Variants in GRM5 observed in about 807,000 individuals in gnomAD.
GRM5 encodes metabotropic glutamate receptor 5.
A neutral mutation model predicts 83.1 loss-of-function variants in GRM5; 19 were observed. That is an observed-to-expected ratio of 0.23 (90% confidence interval 0.16 to 0.34). The LOEUF (loss-of-function observed/expected upper bound fraction) is 0.34. GRM5 is among the 10% of genes least tolerant of loss of function. GRM5 has a pLI of 1.00. For missense variants in GRM5, 1,160 were observed against 1,588.3 expected (o/e 0.73, Z 4.58); for synonymous variants, 675 against 633.6 (o/e 1.07, Z -0.98).
In GRM5 at chr11:89,038,805, A is replaced by C. The variant is rs182430315; in HGVS notation, c.661+8407T>G. On this transcript the variant is annotated intron_variant, in intron 2 of 9. Coordinates refer to ENST00000305447, the MANE Select transcript of GRM5 (RefSeq NM_001143831.3). ...TGGAGCCACACCTACTCCAATGTAA[A>C]GGAATGAGATTTAGATTTGTTTCAA... 1.4e-3 allele frequency among the ~76,000 whole-genome samples: 208 copies of C among 152,344 alleles called. 1 individual carries two copies. The highest frequency in any genetic ancestry group is 4.6e-3 in the African/African-American group (193 of 41,582).
chr11:88,672,389 GAAGA>G (rs1222362141), intron 3 of GRM5, among the ~76,000 whole-genome samples: 2 of 151,824 alleles, frequency 1.3e-5, no homozygotes, highest in African/African-American at 4.8e-5. Context: ...TGGAAGACTT[GAAGA>G]AAGAAAGACT....
chr11:88,829,112 T>C (rs1462284229), intron 3 of GRM5, among the ~76,000 whole-genome samples: 3 of 152,058 alleles, frequency 2.0e-5, no homozygotes, highest in African/African-American at 4.8e-5. Context: ...AAACTAAAAA[T>C]AATTAGAGTG....
intron 2 of GRM5, among the ~76,000 whole-genome samples, chr11:89,031,483 G>C (rs1941262320): frequency 6.6e-6 from 1 of 151,688 alleles, no homozygotes; most frequent in Non-Finnish European, 1.5e-5. Flanking sequence ...TCCCAAACTG[G>C]CAATGTTGTG....
chr11:88,900,016 C>A (rs746214580), intron 2 of GRM5, among the ~76,000 whole-genome samples: 2 of 151,918 alleles, frequency 1.3e-5, no homozygotes, highest in Non-Finnish European at 2.9e-5. Flanking sequence ...ATATGGAGAC[C>A]GTCTCATATT....
rs951200841 is a variant in GRM5, at chr11:88,613,961, C to T, written c.1148-8997G>A. 6.6e-5 allele frequency among the ~76,000 whole-genome samples: 10 copies of T among 152,180 alleles called. No individual in the cohort carries two copies. The South Asian group carries it at 2.1e-3, about 31-fold the overall frequency. ...AACCTACCTTTCCCTATTTAACATG[C>T]TAAGTAAAGAAGAGGTTACTCACAC... On this transcript the variant is annotated intron_variant, in intron 4 of 9. Coordinates refer to ENST00000305447, the MANE Select transcript of GRM5 (RefSeq NM_001143831.3).
At chr11:88,649,296 A>G (rs1223507031) in intron 4 of GRM5, among the ~76,000 whole-genome samples, 1 of 135,398 alleles carries the variant, frequency 7.4e-6, no homozygotes, top group African/African-American at 2.7e-5. Flanking sequence ...TAATACATAT[A>G]TATTATACAT....
chr11:88,711,876 G>A (rs1941289539), intron 3 of GRM5, among the ~76,000 whole-genome samples: 1 of 152,004 alleles, frequency 6.6e-6, no homozygotes. Flanking sequence ...GAGAGAAAGA[G>A]ATTCCACTTC....
Position 88,567,637 on chromosome 11 carries a change from G to T in GRM5, c.2046C>A (p.Thr682=). The part of the protein sequence containing the change: ...ILAGSKKKIC[T]KKPRFMSACA... ...AGGCACTCATGAATCTGGGCTTTTT[G>T]GTACAGATCTTCTTCTTGCTGCCAG... The change falls in exon 8 of 10, where the codon ACC becomes ACA. Residue 682 remains threonine (T), a synonymous_variant. Transcript: ENST00000305447. The surrounding 1 kb of genome is among the most constrained non-coding windows in gnomAD (Gnocchi z 7.3). The T allele has an allele frequency of 6.2e-7, 1 of 1,614,038 alleles. No individual in the cohort carries two copies. The highest frequency in any genetic ancestry group is 1.1e-5 in the South Asian group (1 of 91,080).
intron 2 of GRM5, among the ~76,000 whole-genome samples, chr11:89,044,724 G>T (rs565508244): frequency 6.6e-6 from 1 of 151,908 alleles, no homozygotes; most frequent in Non-Finnish European, 1.5e-5. Context: ...ATCAAGTACT[G>T]GGATTAATTC....
At chr11:88,988,740 A>T (rs1307570068) in intron 2 of GRM5, among the ~76,000 whole-genome samples, 1 of 149,700 alleles carries the variant, frequency 6.7e-6, no homozygotes, top group Non-Finnish European at 1.5e-5. Flanking sequence ...TCAACCAAGA[A>T]TTTCATATCC....
rs773372648 is a variant in GRM5 at position 89,047,186 on chromosome 11, A to T, written c.661+26T>A. 14 of 1,527,984 alleles carry T rather than the reference A, an allele frequency of 9.2e-6. No individual in the cohort carries two copies. Among genetic ancestry groups the T allele is most frequent in the Non-Finnish European group, 1.3e-5 (14 of 1,116,446 alleles). The allele number at this position is 1,527,984 out of a possible 1,614,324, so 94.7% of individuals were successfully genotyped here. A position where few individuals can be genotyped will look rare whatever the true frequency, so the allele number is the denominator to read the frequency against. On this transcript the variant is annotated intron_variant, in intron 2 of 9. Coordinates refer to ENST00000305447, the MANE Select transcript of GRM5 (RefSeq NM_001143831.3). This position sits in a 1 kb window ranked among gnomAD's most constrained non-coding sequence, Gnocchi z 5.1. Reference sequence around the variant, plus strand: ...AACTGTTGAGTGCATAATAATATATACTCGATGTATGCAAAGGAAACTTAC... The same window carrying T: ...AACTGTTGAGTGCATAATAATATATTCTCGATGTATGCAAAGGAAACTTAC...
chr11:88,548,942 G>A (rs1942442584), intron 8 of GRM5, among the ~76,000 whole-genome samples: 1 of 152,182 alleles, frequency 6.6e-6, no homozygotes, highest in Non-Finnish European at 1.5e-5. Context: ...GGCAAAGAAA[G>A]CAATGCCTGC....
rs189785792 is a variant in GRM5 at position 88,984,261 on chromosome 11, C to T, written c.661+62951G>A. The stretch of plus-strand genomic sequence containing the variant: ...CTTCATTCATGGTAAATGACCTATA[C>T]GGGTGTACCATTTTTTATCTTTTAT... On this transcript the variant is annotated intron_variant, in intron 2 of 9. Transcript: ENST00000305447. Among the ~76,000 whole-genome samples, 10 of 152,206 alleles carry T rather than the reference C, an allele frequency of 6.6e-5. No homozygotes were observed. The East Asian group carries it at 9.7e-4, about 15-fold the overall frequency.
At chr11:88,978,439 T>A (rs1265543639) in intron 2 of GRM5, among the ~76,000 whole-genome samples, 1 of 104,828 alleles carries the variant, frequency 9.5e-6, no homozygotes, top group Non-Finnish European at 2.0e-5. Context: ...GGACCACACA[T>A]CAAATACAGT....
At chr11:88,612,533 G>A (rs1288166392) in intron 4 of GRM5, among the ~76,000 whole-genome samples, 1 of 152,166 alleles carries the variant, frequency 6.6e-6, no homozygotes, top group Non-Finnish European at 1.5e-5. Flanking sequence ...GATCCCTGAG[G>A]AGTAGCCACA....
intron 3 of GRM5, among the ~76,000 whole-genome samples, chr11:88,672,479 T>A (rs1478837174): frequency 6.6e-6 from 1 of 151,952 alleles, no homozygotes; most frequent in Admixed American, 6.6e-5. Flanking sequence ...CTATACAAAA[T>A]GAGACACGAG....
At chr11:88,806,591 G>T (rs1405599351) in intron 3 of GRM5, among the ~76,000 whole-genome samples, 7 of 152,116 alleles carry the variant, frequency 4.6e-5, no homozygotes, top group Non-Finnish European at 1.0e-4. Context: ...TAGCTTTCAA[G>T]AATTGACTAA....
chr11:88,898,524 A>C (rs928911755), intron 2 of GRM5, among the ~76,000 whole-genome samples: 4 of 151,970 alleles, frequency 2.6e-5, no homozygotes, highest in Non-Finnish European at 5.9e-5. Context: ...GATTAAAATA[A>C]ATGGACTAAG....
At chr11:88,816,519 A>C (rs942244802) in intron 3 of GRM5, among the ~76,000 whole-genome samples, 2 of 148,358 alleles carry the variant, frequency 1.3e-5, no homozygotes, top group East Asian at 3.9e-4. Context: ...AGCGTGGGCA[A>C]CAGAGCAAGA....
Sources: allele counts gnomAD v4.1 joint callset (sites outside exome capture counted in the v4.1 genomes callset), GRCh38; gene constraint gnomAD v4.1.1; non-coding constraint Gnocchi (gnomAD v3.1); transcripts MANE v1.5; gene names NCBI Gene and HGNC (gene_info 2026-07-23, HGNC 2026-07-21).